USO1: variants seen among roughly 807,000 people sequenced by gnomAD.
The protein encoded by USO1 is USO1 vesicle transport factor.
USO1 carries 57 observed loss-of-function variants against 124.5 expected under a neutral mutation model. The ratio of observed to expected loss-of-function variants is 0.46; its 90% CI spans 0.37 to 0.57. USO1 has a LOEUF of 0.57. USO1 is among the 20% of genes least tolerant of loss of function. The pLI, the probability that USO1 is intolerant of heterozygous loss-of-function variation, is 0.00. For synonymous variants in USO1, 369 were observed against 362.8 expected (o/e 1.02, Z -0.19); for missense variants, 900 against 1,040.6 (o/e 0.86, Z 1.86).
chr4:75,726,952 T>G (rs1265652335), intron 1 of USO1, among the ~76,000 whole-genome samples: 1 of 152,208 alleles, frequency 6.6e-6, no homozygotes, highest in Non-Finnish European at 1.5e-5. Flanking sequence ...ACCCTCTAAG[T>G]AAAATGAGGA....
chr4:75,745,903 TAAAAA>T (rs1434003881), intron 1 of USO1, among the ~76,000 whole-genome samples: 1 of 150,128 alleles, frequency 6.7e-6, no homozygotes, highest in Non-Finnish European at 1.5e-5. Flanking sequence ...CCGTGTCAAA[TAAAAA>T]ATAAAAAAAA....
chr4:75,763,458 GT>G lies in USO1; in HGVS notation c.295+5887del, dbSNP rs762644672. Among the ~76,000 whole-genome samples, 105 of 152,076 alleles carry G rather than the reference GT, an allele frequency of 6.9e-4. 2 individuals are homozygous for G. The highest frequency in any genetic ancestry group is 5.9e-5 in the Non-Finnish European group (4 of 67,966). ...TGCCTAGCTGTAGGATAATGTAAGT[GT>G]TCTGGGCACATTTAAAGTAGGTTAA... On this transcript the variant is annotated intron_variant, in intron 4 of 23. Transcript: ENST00000514213.
At position 75,728,815 on chromosome 4, in the gene USO1, T is replaced by C. The variant is rs569613570; in HGVS notation, c.66+3930T>C. Among the ~76,000 whole-genome samples, 9 of 152,322 alleles carry C rather than the reference T, an allele frequency of 5.9e-5. No homozygotes were observed. The South Asian group carries it at 1.7e-3, about 28-fold the overall frequency. On this transcript the variant is annotated intron_variant, in intron 1 of 23. Transcript: ENST00000514213. ...GTTTTTGTTTTTGTTTTGTTTTGTT[T>C]TGAGACAGAGTCTCGCTCTGTGGCC... is the stretch of plus-strand genomic sequence containing the variant.
At chr4:75,787,661 A>T (rs966509328) in intron 10 of USO1, among the ~76,000 whole-genome samples, 1 of 152,208 alleles carries the variant, frequency 6.6e-6, no homozygotes, top group Non-Finnish European at 1.5e-5. Context: ...TTTTTCTCAA[A>T]TTAACACGTG....
intron 4 of USO1, among the ~76,000 whole-genome samples, chr4:75,761,146 T>TC (rs1464505806): frequency 6.6e-6 from 1 of 151,478 alleles, no homozygotes; most frequent in Non-Finnish European, 1.5e-5. Flanking sequence ...GAGACTTGTC[T>TC]CAAAAAAAAA....
chr4:75,751,489 G>A (rs1409360564), intron 1 of USO1, among the ~76,000 whole-genome samples: 1 of 147,584 alleles, frequency 6.8e-6, no homozygotes, highest in African/African-American at 2.5e-5. Context: ...TGGGATTACA[G>A]GCATGAGCCA....
intron 1 of USO1, among the ~76,000 whole-genome samples, chr4:75,743,607 G>A (rs1304705189): frequency 1.3e-5 from 2 of 152,118 alleles, no homozygotes; most frequent in Non-Finnish European, 1.5e-5. Context: ...TTTTCCCAGC[G>A]TAGACCAGTG....
At chr4:75,767,352 A>G (rs1721793872) in intron 4 of USO1, among the ~76,000 whole-genome samples, 1 of 152,238 alleles carries the variant, frequency 6.6e-6, no homozygotes, top group Non-Finnish European at 1.5e-5. Context: ...ATACAGCTTT[A>G]TTGACATCTA....
At chr4:75,760,119 G>C (rs1369906639) in intron 4 of USO1, among the ~76,000 whole-genome samples, 3 of 152,112 alleles carry the variant, frequency 2.0e-5, no homozygotes, top group African/African-American at 7.2e-5. Flanking sequence ...GGCTGAGGCA[G>C]TAGAATTGCT....
intron 3 of USO1, 142 bp downstream of exon 3, chr4:75,752,746 G>A (rs949478594): frequency 3.9e-5 from 15 of 383,766 alleles, no homozygotes; most frequent in East Asian, 3.0e-4. Context: ...CGCTGGTCTC[G>A]AACTCCTGGG....
intron 8 of USO1, 29 bp downstream of exon 8, chr4:75,774,825 A>C: frequency 6.2e-7 from 1 of 1,608,158 alleles, no homozygotes; most frequent in South Asian, 1.1e-5. Flanking sequence ...ATTTGAAGAC[A>C]TTCCTTTTGT....
chr4:75,793,621 C>G, intron 12 of USO1, 69 bp from the exon 13 acceptor site: 1 of 1,535,168 alleles, frequency 6.5e-7, no homozygotes, highest in Non-Finnish European at 8.8e-7. Context: ...GTACAGAAAA[C>G]AATTTATTTA....
intron 3 of USO1, among the ~76,000 whole-genome samples, chr4:75,756,955 A>G (rs990842049): frequency 6.9e-5 from 10 of 145,278 alleles, no homozygotes; most frequent in African/African-American, 2.8e-4. Flanking sequence ...TTATATATGT[A>G]TACATATATA....
intron 12 of USO1, among the ~76,000 whole-genome samples, chr4:75,791,808 A>T (rs866303232): frequency 1.0e-3 from 156 of 152,284 alleles, no homozygotes; most frequent in African/African-American, 3.6e-3. Flanking sequence ...ACCAAAAAAA[A>T]ATTTGGTAAA....
chr4:75,807,832 C>T (rs1723038622), intron 20 of USO1, among the ~76,000 whole-genome samples: 1 of 151,934 alleles, frequency 6.6e-6, no homozygotes, highest in Non-Finnish European at 1.5e-5. Flanking sequence ...AGAGAATTGC[C>T]TTTTAGTTTT....
intron 10 of USO1, among the ~76,000 whole-genome samples, chr4:75,789,244 G>A (rs978191139): frequency 6.6e-6 from 1 of 150,776 alleles, no homozygotes; most frequent in East Asian, 2.0e-4. Context: ...GATGTTTTTG[G>A]CATTGCCTGA....
chr4:75,755,651 CT>C (rs1721421470), intron 3 of USO1, among the ~76,000 whole-genome samples: 1 of 152,112 alleles, frequency 6.6e-6, no homozygotes. Flanking sequence ...GCCACTAAGT[CT>C]AATGCATTTG....
chr4:75,763,253 G>A (rs1166298148), intron 4 of USO1, among the ~76,000 whole-genome samples: 3 of 152,154 alleles, frequency 2.0e-5, no homozygotes, highest in African/African-American at 7.2e-5. Flanking sequence ...GAGCTATACA[G>A]ACAGATGATG....
In USO1 at chr4:75,804,212, C is replaced by G; in HGVS notation, c.2065C>G (p.Gln689Glu). The G allele has an allele frequency of 6.2e-7, 1 of 1,613,664 alleles. No homozygotes were observed. Among genetic ancestry groups the G allele is most frequent in the Non-Finnish European group, 8.5e-7 (1 of 1,179,754 alleles). The change falls in exon 18 of 24, where the codon CAG becomes GAG. Residue 689 changes from glutamine to glutamate, a missense_variant. Physicochemically the swap from Gln to Glu is conservative, Grantham distance 29. Transcript: ENST00000514213. ...QNEQLQTAVTQQVSQIQQHKD... is the reference protein window; with the variant it reads ...QNEQLQTAVTEQVSQIQQHKD... ...TGAACAGCTCCAGACGGCAGTCACA[C>G]AGCAAGTATCACAGATCCAGCAGCA...
Sources: allele counts gnomAD v4.1 joint callset (sites outside exome capture counted in the v4.1 genomes callset), GRCh38; gene constraint gnomAD v4.1.1; transcripts MANE v1.5; gene names NCBI Gene and HGNC (gene_info 2026-07-23, HGNC 2026-07-21).